The following THEMIS2 variants were observed in gnomAD, a reference collection of about 807,000 sequenced individuals.
THEMIS2 encodes the protein thymocyte selection associated family member 2.
A neutral mutation model predicts 46.8 loss-of-function variants in THEMIS2; 29 were observed. The ratio of observed to expected loss-of-function variants is 0.62; its 90% CI spans 0.46 to 0.84. The LOEUF (loss-of-function observed/expected upper bound fraction) is 0.84, where lower values mean the gene tolerates loss of function less well. Among genes scored for constraint, THEMIS2 ranks in the 40% least tolerant of loss-of-function variants. The pLI is 0.00. For synonymous variants in THEMIS2, 335 were observed against 349.1 expected (o/e 0.96, Z 0.45); for missense variants, 698 against 834.7 (o/e 0.84, Z 2.02).
Position 27,885,356 on chromosome 1 carries a change from T to C in THEMIS2, c.1781T>C (p.Leu594Ser), listed in dbSNP as rs1399897932. Residue 594 changes from leucine to serine, a missense_variant, in exon 5 of 6, where the codon TTG (leucine) becomes TCG (serine). Leu to Ser is a moderately radical substitution (Grantham distance 145). Transcript: ENST00000373921. Reference sequence around the variant, plus strand: ...CTGCCCAAACCCAAGGCGAAGACCTTGCCAGAGTTCATCAAGGATGGCTCC... The same window carrying C: ...CTGCCCAAACCCAAGGCGAAGACCTCGCCAGAGTTCATCAAGGATGGCTCC... ...ARLPKPKAKTLPEFIKDGSST... is the reference protein window; with the variant it reads ...ARLPKPKAKTSPEFIKDGSST... The C allele has an allele frequency of 5.0e-6, 8 of 1,614,186 alleles. No homozygotes were observed. The highest frequency in any genetic ancestry group is 3.3e-5 in the Admixed American group (2 of 60,016).
intron 5 of THEMIS2, 85 bp from the exon 6 acceptor site, chr1:27,885,782 C>T (rs2089760460): frequency 3.6e-6 from 5 of 1,372,506 alleles, no homozygotes; most frequent in Non-Finnish European, 5.2e-6. Context: ...CACCTCTTTC[C>T]CTGCACAGAT....
chr1:27,873,724 C>T lies in THEMIS2; in HGVS notation c.94+1059C>T, dbSNP rs548550365. On this transcript the variant is annotated intron_variant, in intron 1 of 5. Coordinates refer to ENST00000373921, the MANE Select transcript of THEMIS2 (RefSeq NM_001105556.3). The stretch of plus-strand genomic sequence containing the variant: ...TCCAGGGGCTTTCTGCAGGAAGGCG[C>T]CTGGGATCTGTTTGCTCTTCCCCCA... 5.3e-5 allele frequency among the ~76,000 whole-genome samples: 8 copies of T among 152,284 alleles called. No individual in the cohort carries two copies. The South Asian group carries it at 1.2e-3, about 24-fold the overall frequency.
chr1:27,881,894 C>T, intron 3 of THEMIS2, 77 bp from the exon 4 acceptor site: 1 of 1,242,786 alleles, frequency 8.0e-7, no homozygotes, highest in South Asian at 1.6e-5. Flanking sequence ...CCAGCCGGCC[C>T]AGCCAATGCT....
Position 27,872,632 on chromosome 1 carries a change from G to A in THEMIS2, c.61G>A (p.Val21Met), listed in dbSNP as rs1482820090. 1 of 1,468,718 alleles carries A rather than the reference G, an allele frequency of 6.8e-7. No individual in the cohort carries two copies. The allele number at this position is 1,468,718 out of a possible 1,614,324, so 91.0% of individuals were successfully genotyped here. Residue 21 changes from valine (V) to methionine (M), a missense_variant, in exon 1 of 6, where the codon GTG becomes ATG. Coordinates refer to ENST00000373921, the MANE Select transcript of THEMIS2 (RefSeq NM_001105556.3). The surrounding 1 kb of genome is among the most constrained non-coding windows in gnomAD (Gnocchi z 4.9). ...RALDPASLPR[V>M]LRVCSGVYFE... is the part of the protein sequence containing the mutation. ...CTTGGACCCCGCCTCCCTCCCGCGC[G>A]TGCTGCGGGTCTGCTCGGGGGTCTA...
chr1:27,882,919 C>CA lies in THEMIS2; in HGVS notation c.1596dup (p.Asp533ArgfsTer14), dbSNP rs765658056. The CA allele has an allele frequency of 6.2e-7, 1 of 1,613,984 alleles. No individual in the cohort carries two copies. On this transcript the variant is annotated frameshift_variant, in exon 4 of 6. Transcript: ENST00000373921. LOFTEE classifies it high-confidence loss of function. This position sits in a 1 kb window ranked among gnomAD's most constrained non-coding sequence, Gnocchi z 7.6. ...CCCATAGCCACAGTGGAGGAGCTGA[C>CA]AGACACCTTCTATTATCGTCTTCGG...
At chr1:27,876,487 G>T in intron 1 of THEMIS2, 101 bp from the exon 2 acceptor site, 1 of 1,447,374 alleles carries the variant, frequency 6.9e-7, no homozygotes. Context: ...CAGGCACCAT[G>T]TGCAAAGGCA....
intron 3 of THEMIS2, 98 bp from the exon 4 acceptor site, chr1:27,881,873 C>T (rs896882082): frequency 1.8e-5 from 16 of 887,922 alleles, no homozygotes; most frequent in Admixed American, 1.1e-4. Context: ...AAGACAGCAG[C>T]GGGAGGGAGG....
chr1:27,873,543 GCAGCAGCTTC>G (rs377421305), intron 1 of THEMIS2, among the ~76,000 whole-genome samples: 173 of 152,262 alleles, frequency 1.1e-3, no homozygotes, highest in African/African-American at 4.0e-3. Context: ...ACGCTCTGTC[GCAGCAGCTTC>G]CAGCAGAGTG....
chr1:27,879,931 C>G lies in THEMIS2; in HGVS notation c.523C>G (p.Pro175Ala). 2.5e-6 allele frequency: 4 copies of G among 1,611,182 alleles called. No homozygotes were observed. Among genetic ancestry groups the G allele is most frequent in the Non-Finnish European group, 3.4e-6 (4 of 1,178,800 alleles). Residue 175 changes from proline (P) to alanine (A), a missense_variant, in exon 3 of 6, where the codon CCT becomes GCT. Coordinates refer to ENST00000373921, the MANE Select transcript of THEMIS2 (RefSeq NM_001105556.3). ...CTTCTGGACATGGGAGCCTAGTGCC[C>G]CTCGAACTCTGCTCCAGGTCCTACA... Reference protein sequence around the residue: ...GPFWTWEPSAPRTLLQVLQDP... With the variant: ...GPFWTWEPSAARTLLQVLQDP...
chr1:27,883,041 A>G lies in THEMIS2; in HGVS notation c.1717A>G (p.Lys573Glu). 6.2e-7 allele frequency: 1 copy of G among 1,612,202 alleles called. No homozygotes were observed. The highest frequency in any genetic ancestry group is 8.5e-7 in the Non-Finnish European group (1 of 1,179,130). The change falls in exon 4 of 6, where the codon AAG becomes GAG. Residue 573 changes from lysine to glutamate, a missense_variant and splice_region_variant. Lys to Glu is a moderately conservative substitution (Grantham distance 56, BLOSUM62 1). Transcript: ENST00000373921. ...GAGACACAGCAGTGAGGGAGGCGTC[A>G]AGGTACTAGTATAATCCCAGAGGGC... is the stretch of plus-strand genomic sequence containing the variant. The part of the protein sequence containing the change: ...QRRHSSEGGV[K>E]SSQVLGLQQH...
At position 27,885,160 on chromosome 1, in the gene THEMIS2, C is replaced by T. The variant is rs1467463; in HGVS notation, c.1720-135C>T. 8.9e-4 allele frequency: 800 copies of T among 897,156 alleles called. 3 individuals are homozygous for T. The African/African-American group carries it at 0.012, about 13-fold the overall frequency. 55.6% of individuals were successfully genotyped at this position (897,156 alleles called of 1,614,324 possible). On this transcript the variant is annotated intron_variant, in intron 4 of 5. Transcript: ENST00000373921. ...TGCATGTAGCAAAAACACCAGGGGT[C>T]TTGAGAGGTCATAGCCTGAAAAGGA...
chr1:27,880,375 G>A (rs1286775768), intron 3 of THEMIS2, among the ~76,000 whole-genome samples: 2 of 151,970 alleles, frequency 1.3e-5, no homozygotes, highest in East Asian at 1.9e-4. Flanking sequence ...TAGTAGAAAC[G>A]GAGTGTCACC....
intron 1 of THEMIS2, among the ~76,000 whole-genome samples, chr1:27,873,159 C>A (rs963470650): frequency 6.6e-6 from 1 of 152,126 alleles, no homozygotes; most frequent in Non-Finnish European, 1.5e-5. Flanking sequence ...TTGATCAGCT[C>A]TTCAGTTCTC....
At chr1:27,876,234 T>C (rs2148632802) in intron 1 of THEMIS2, among the ~76,000 whole-genome samples, 1 of 151,578 alleles carries the variant, frequency 6.6e-6, no homozygotes, top group East Asian at 2.0e-4. Flanking sequence ...GGGGATTCAC[T>C]GGGTTATTTA....
chr1:27,874,963 C>T (rs2089551174), intron 1 of THEMIS2, among the ~76,000 whole-genome samples: 1 of 151,352 alleles, frequency 6.6e-6, no homozygotes, highest in Non-Finnish European at 1.5e-5. Flanking sequence ...CCCTGAGAGG[C>T]TGTTTCTTTT....
rs954469945 is a variant in THEMIS2 at position 27,872,803 on chromosome 1, T to G, written c.94+138T>G. 39 of 705,502 alleles carry G rather than the reference T, an allele frequency of 5.5e-5. 1 individual carries two copies. The Middle Eastern group carries it at 1.2e-3, about 21-fold the overall frequency. The allele number at this position is 705,502 out of a possible 1,614,324, so 43.7% of individuals were successfully genotyped here. ...CTGCCACTGGCCAAGCTGTGTGATT[T>G]GGGGCCGCACTCAACCTCTTTGGAC... On this transcript the variant is annotated intron_variant, in intron 1 of 5. Coordinates refer to ENST00000373921, the MANE Select transcript of THEMIS2 (RefSeq NM_001105556.3). The surrounding 1 kb of genome is among the most constrained non-coding windows in gnomAD (Gnocchi z 4.9).
chr1:27,882,492 G>A lies in THEMIS2; in HGVS notation c.1168G>A (p.Val390Met), dbSNP rs745484998. The change falls in exon 4 of 6, where the codon GTG becomes ATG. Residue 390 changes from valine (V) to methionine (M), a missense_variant. Transcript: ENST00000373921. The surrounding 1 kb of genome is among the most constrained non-coding windows in gnomAD (Gnocchi z 7.6). ...GQAHGAQGSD[V>M]DVLVCQRLSD... ...GGCCCATGGGGCCCAGGGCAGTGACGTGGATGTCTTGGTTTGTCAGCGGCT... is the reference window on the plus strand; with the variant it reads ...GGCCCATGGGGCCCAGGGCAGTGACATGGATGTCTTGGTTTGTCAGCGGCT... 74 of 1,613,472 alleles carry A rather than the reference G, an allele frequency of 4.6e-5. No individual in the cohort carries two copies. Among genetic ancestry groups the A allele is most frequent in the Non-Finnish European group, 5.9e-5 (70 of 1,179,450 alleles).
intron 3 of THEMIS2, 107 bp downstream of exon 3, chr1:27,880,161 C>G (rs549250832): frequency 3.8e-6 from 5 of 1,303,014 alleles, no homozygotes; most frequent in South Asian, 1.5e-5. Flanking sequence ...TGAGGATCAG[C>G]TGGAACTTCA....
intron 3 of THEMIS2, 138 bp downstream of exon 3, chr1:27,880,192 AC>A (rs1230877412): frequency 9.0e-6 from 9 of 1,004,032 alleles, no homozygotes; most frequent in Non-Finnish European, 1.3e-5. Context: ...TCTGTATTAC[AC>A]TGAAGTTATT....
Sources: gnomAD v4.1 joint callset for allele counts (sites outside exome capture counted in the v4.1 genomes callset) on GRCh38, gnomAD v4.1.1 for gene constraint, Gnocchi (gnomAD v3.1) non-coding constraint, MANE v1.5 for transcripts, NCBI Gene and HGNC (gene_info 2026-07-23, HGNC 2026-07-21) for gene names.